The following IL1RAPL1 variants were observed in gnomAD, a reference collection of about 807,000 sequenced individuals.
IL1RAPL1 encodes the protein interleukin 1 receptor accessory protein like 1.
IL1RAPL1 carries 3 observed loss-of-function variants against 48.4 expected under a neutral mutation model. That is an observed-to-expected ratio of 0.06 (90% CI 0.03 to 0.16). The LOEUF (loss-of-function observed/expected upper bound fraction) is 0.16. Among genes scored for constraint, IL1RAPL1 ranks in the 10% least tolerant of loss-of-function variants. The pLI is 1.00. For missense variants in IL1RAPL1, 349 were observed against 530.6 expected, an observed-to-expected ratio of 0.66 and a Z score of 3.36; for synonymous variants, 185 against 187.7, an observed-to-expected ratio of 0.99 and a Z score of 0.12.
intron 5 of IL1RAPL1, among the ~76,000 whole-genome samples, chrX:29,490,852 G>GTGTATA (rs1556022575): frequency 2.1e-5 from 2 of 93,655 alleles, no homozygotes; most frequent in African/African-American, 1.0e-4. Context: ...GTGTGTGTGT[G>GTGTATA]TATATATATA....
intron 6 of IL1RAPL1, among the ~76,000 whole-genome samples, chrX:29,851,317 A>T (rs1392825104): frequency 9.0e-6 from 1 of 111,440 alleles, no homozygotes; most frequent in Admixed American, 9.6e-5. Flanking sequence ...CTTTTTATCC[A>T]AGTTGTGGCT....
At chrX:29,230,249 C>T (rs1241536473) in intron 2 of IL1RAPL1, among the ~76,000 whole-genome samples, 1 of 110,209 alleles carries the variant, frequency 9.1e-6, no homozygotes, top group Non-Finnish European at 1.9e-5. Flanking sequence ...CTGTTAAAAA[C>T]AAGAAAATAT....
At chrX:29,875,567 A>G (rs1396053724) in intron 6 of IL1RAPL1, among the ~76,000 whole-genome samples, 1 of 111,709 alleles carries the variant, frequency 9.0e-6, no homozygotes, top group Non-Finnish European at 1.9e-5. Flanking sequence ...TTTCGTGCAC[A>G]CTAAGGTTGG....
At chrX:29,709,745 T>A (rs1386367571) in intron 6 of IL1RAPL1, among the ~76,000 whole-genome samples, 2 of 111,736 alleles carry the variant, frequency 1.8e-5, no homozygotes, top group Non-Finnish European at 1.9e-5. Context: ...AATCTGTAGA[T>A]CACTTTGGGT....
intron 3 of IL1RAPL1, among the ~76,000 whole-genome samples, chrX:29,352,316 G>A (rs138926759): frequency 0.026 from 2,868 of 110,892 alleles, 110 homozygotes; most frequent in African/African-American, 0.089. Context: ...TGTTATTTGT[G>A]GGGATTCTCT....
At chrX:29,635,809 C>T (rs546573708) in intron 5 of IL1RAPL1, among the ~76,000 whole-genome samples, 295 of 105,724 alleles carry the variant, frequency 2.8e-3, no homozygotes, top group African/African-American at 9.6e-3. Flanking sequence ...AAAAAAAAAA[C>T]CCAAAAACTA....
At chrX:29,427,449 C>T (rs1429584871) in intron 5 of IL1RAPL1, among the ~76,000 whole-genome samples, 1 of 111,751 alleles carries the variant, frequency 8.9e-6, no homozygotes, top group African/African-American at 3.3e-5. Flanking sequence ...TTTCTCAAAT[C>T]GACCTCCACA....
chrX:29,711,672 A>G (rs1426601959), intron 6 of IL1RAPL1, among the ~76,000 whole-genome samples: 1 of 111,505 alleles, frequency 9.0e-6, no homozygotes, highest in East Asian at 2.8e-4. Context: ...ATGATTATCT[A>G]GATTCTATTT....
chrX:29,307,632 G>T (rs1932645312), intron 3 of IL1RAPL1, among the ~76,000 whole-genome samples: 1 of 103,922 alleles, frequency 9.6e-6, no homozygotes, highest in South Asian at 4.1e-4. Context: ...AGTTTATTTT[G>T]ATAAGTGGAA....
At chrX:29,619,329 T>C (rs1924389539) in intron 5 of IL1RAPL1, among the ~76,000 whole-genome samples, 1 of 111,720 alleles carries the variant, frequency 9.0e-6, no homozygotes, top group South Asian at 3.7e-4. Context: ...TATAATTATA[T>C]ATTCTTCACC....
At chrX:29,801,000 CAAAAAAA>C (rs781152873) in intron 6 of IL1RAPL1, among the ~76,000 whole-genome samples, 2 of 1,739 alleles carry the variant, frequency 1.2e-3, no homozygotes, top group Non-Finnish European at 3.4e-3. Flanking sequence ...AACTCCGTCT[CAAAAAAA>C]AAAAAAAAAA....
At chrX:29,768,213 C>T (rs758383891) in intron 6 of IL1RAPL1, among the ~76,000 whole-genome samples, 1 of 111,844 alleles carries the variant, frequency 8.9e-6, no homozygotes. Flanking sequence ...GTGATTCTAA[C>T]TTCATGAATC....
intron 1 of IL1RAPL1, among the ~76,000 whole-genome samples, chrX:28,787,757 C>G (rs1195096419): frequency 9.0e-6 from 1 of 110,808 alleles, no homozygotes; most frequent in Admixed American, 9.7e-5. Flanking sequence ...CTGGGAGAAC[C>G]CAAAATGTGA....
Position 29,595,201 on chromosome X carries a change from G to T in IL1RAPL1, c.704-73229G>T, listed in dbSNP as rs781360808. 2.8e-3 allele frequency among the ~76,000 whole-genome samples: 310 copies of T among 112,088 alleles called. 2 individuals carry two copies. The highest frequency in any genetic ancestry group is 4.4e-3 in the Non-Finnish European group (232 of 53,199). On this transcript the variant is annotated intron_variant, in intron 5 of 10. Coordinates refer to ENST00000378993, the MANE Select transcript of IL1RAPL1 (RefSeq NM_014271.4). The stretch of plus-strand genomic sequence containing the variant: ...TGCAAATTGTGCTGCTATAAACATG[G>T]TGTGCAAGTATCTTTTTTGTATAAT...
intron 5 of IL1RAPL1, among the ~76,000 whole-genome samples, chrX:29,421,921 C>T (rs1432703541): frequency 8.9e-6 from 1 of 111,732 alleles, no homozygotes; most frequent in Non-Finnish European, 1.9e-5. Context: ...CGCCTTCACC[C>T]TCTGAAGATA....
At chrX:28,876,077 T>C (rs1203591170) in intron 2 of IL1RAPL1, among the ~76,000 whole-genome samples, 1 of 111,910 alleles carries the variant, frequency 8.9e-6, no homozygotes, top group Non-Finnish European at 1.9e-5. Flanking sequence ...GCTGGCTTCA[T>C]GCTTCTTGTA....
intron 6 of IL1RAPL1, among the ~76,000 whole-genome samples, chrX:29,820,785 C>A (rs1035779249): frequency 8.9e-6 from 1 of 112,049 alleles, no homozygotes; most frequent in African/African-American, 3.2e-5. Context: ...AGAGTCAAGG[C>A]TTGGACCCAG....
intron 2 of IL1RAPL1, among the ~76,000 whole-genome samples, chrX:29,119,204 A>G (rs1289069414): frequency 1.8e-5 from 2 of 111,251 alleles, no homozygotes; most frequent in Non-Finnish European, 3.8e-5. Context: ...GTACCCTTAA[A>G]CATGTTTAAA....
chrX:29,416,990 C>A (rs5929062), intron 5 of IL1RAPL1, among the ~76,000 whole-genome samples: 40,068 of 110,414 alleles, frequency 0.36, 6,106 homozygotes, highest in Middle Eastern at 0.53. Context: ...AAAATCAAAA[C>A]ATTAGGTTTT....
Sources: gnomAD v4.1 joint callset for allele counts (sites outside exome capture counted in the v4.1 genomes callset) on GRCh38, gnomAD v4.1.1 for gene constraint, MANE v1.5 for transcripts, NCBI Gene and HGNC (gene_info 2026-07-23, HGNC 2026-07-21) for gene names.